ANKFN1: variants seen among roughly 807,000 people sequenced by gnomAD.
The protein encoded by ANKFN1 is ankyrin repeat and fibronectin type III domain containing 1.
A neutral mutation model predicts 108.7 loss-of-function variants in ANKFN1; 74 were observed. The ratio of observed to expected loss-of-function variants is 0.68; its 90% CI spans 0.56 to 0.83. The LOEUF (loss-of-function observed/expected upper bound fraction) is 0.83, where lower values mean the gene tolerates loss of function less well. ANKFN1 is among the 40% of genes least tolerant of loss of function. ANKFN1 has a pLI of 0.00. For missense variants in ANKFN1, 1,505 were observed against 1,382.3 expected, an observed-to-expected ratio of 1.09 and a Z score of -1.41; for synonymous variants, 547 against 516.2, an observed-to-expected ratio of 1.06 and a Z score of -0.81.
intron 3 of ANKFN1, among the ~76,000 whole-genome samples, chr17:56,306,047 G>C (rs1226017253): frequency 2.0e-5 from 3 of 152,094 alleles, no homozygotes; most frequent in South Asian, 2.1e-4. Flanking sequence ...AGACAGTCTT[G>C]ATTACTATAG....
At chr17:56,153,418 C>T (rs1908790901), upstream of ANKFN1, 4 of 1,532,396 alleles carry the variant, frequency 2.6e-6, no homozygotes, top group South Asian at 4.5e-5. Context: ...CCAGGGTTCC[C>T]TTGGCAACGG....
At chr17:56,299,321 A>G (rs1389468342) in intron 3 of ANKFN1, among the ~76,000 whole-genome samples, 2 of 151,978 alleles carry the variant, frequency 1.3e-5, no homozygotes, top group African/African-American at 4.8e-5. Flanking sequence ...TTCTCTCTTT[A>G]ATATCCTCTC....
intron 2 of ANKFN1, among the ~76,000 whole-genome samples, chr17:56,220,006 A>C (rs1255111040): frequency 6.6e-6 from 1 of 152,200 alleles, no homozygotes; most frequent in African/African-American, 2.4e-5. Flanking sequence ...AGGATCATTA[A>C]ATCTCACTGA....
chr17:56,457,443 A>G, intron 13 of ANKFN1, 54 bp downstream of exon 13: 2 of 1,506,188 alleles, frequency 1.3e-6, no homozygotes, highest in East Asian at 2.3e-5. Flanking sequence ...GTTACTGCAC[A>G]AAAATCTCTG....
chr17:56,391,472 G>A (rs1452946411), intron 8 of ANKFN1, among the ~76,000 whole-genome samples: 1 of 149,962 alleles, frequency 6.7e-6, no homozygotes. Context: ...TGTCACCCAG[G>A]CTGGAGTGCA....
Position 56,449,157 on chromosome 17 carries a change from G to A in ANKFN1, c.1178G>A (p.Arg393Gln), listed in dbSNP as rs1245119831. ...EVLEGLLQQV[R>Q]ALHQHYSCRE... ...TTGGAAGGTCTGCTGCAGCAGGTCC[G>A]AGCCCTTCATCAGCATTACAGTTGC... Residue 393 changes from arginine (R) to glutamine (Q), a missense_variant, in exon 11 of 21, where the codon CGA (arginine) becomes CAA (glutamine). Transcript: ENST00000682825. 1.7e-5 allele frequency: 28 copies of A among 1,613,296 alleles called. No homozygotes were observed. The highest frequency in any genetic ancestry group is 2.2e-5 in the Non-Finnish European group (26 of 1,179,598).
intron 1 of ANKFN1, among the ~76,000 whole-genome samples, chr17:56,169,382 C>T (rs1004524026): frequency 2.0e-5 from 3 of 152,102 alleles, no homozygotes; most frequent in African/African-American, 4.8e-5. Flanking sequence ...AGCAATCCTC[C>T]TACCTCAGCT....
intron 4 of ANKFN1, among the ~76,000 whole-genome samples, chr17:56,132,645 C>T (rs1019144329): frequency 6.6e-6 from 1 of 152,082 alleles, no homozygotes; most frequent in African/African-American, 2.4e-5. Context: ...TTATAAGTAA[C>T]ATAAATTTAT....
At chr17:56,081,593 T>C (rs1481440116) in intron 4 of ANKFN1, among the ~76,000 whole-genome samples, 1 of 152,166 alleles carries the variant, frequency 6.6e-6, no homozygotes, top group African/African-American at 2.4e-5. Flanking sequence ...CCTCAGGTTA[T>C]CCGCCTGCCT....
intron 1 of ANKFN1, among the ~76,000 whole-genome samples, chr17:56,208,886 A>G (rs1914742203): frequency 6.6e-6 from 1 of 151,486 alleles, no homozygotes; most frequent in Non-Finnish European, 1.5e-5. Context: ...TTTTATTATT[A>G]TTATTATTTT....
At chr17:56,377,147 G>T (rs79926473) in intron 8 of ANKFN1, among the ~76,000 whole-genome samples, 2 of 152,158 alleles carry the variant, frequency 1.3e-5, no homozygotes, top group Non-Finnish European at 2.9e-5. Flanking sequence ...GAATTTCTGG[G>T]TTCAGCAAAA....
chr17:56,445,740 A>T (rs1477992073), intron 10 of ANKFN1, among the ~76,000 whole-genome samples: 1 of 152,182 alleles, frequency 6.6e-6, no homozygotes, highest in East Asian at 1.9e-4. Flanking sequence ...ATATTTTTAC[A>T]AAAGGCCTTA....
chr17:56,207,538 T>C (rs1394823948), intron 1 of ANKFN1, among the ~76,000 whole-genome samples: 2 of 152,212 alleles, frequency 1.3e-5, no homozygotes, highest in Non-Finnish European at 2.9e-5. Context: ...TGAATTATGC[T>C]ACTTCATTGA....
At chr17:56,483,951 A>G (rs1282510152) in intron 18 of ANKFN1, among the ~76,000 whole-genome samples, 1 of 152,216 alleles carries the variant, frequency 6.6e-6, no homozygotes, top group African/African-American at 2.4e-5. Flanking sequence ...AATATGCCAG[A>G]AATTGGAAGT....
intron 4 of ANKFN1, among the ~76,000 whole-genome samples, chr17:56,080,767 C>T (rs538722352): frequency 2.0e-5 from 3 of 152,278 alleles, no homozygotes; most frequent in Admixed American, 6.5e-5. Context: ...TATGTATACA[C>T]GTTTTATGTT....
rs995944632 is a variant in ANKFN1 at position 56,174,453 on chromosome 17, G to C, written c.-71+20923G>C. The C allele has an allele frequency of 2.5e-5, 24 of 975,516 alleles. No individual in the cohort carries two copies. The African/African-American group carries it at 3.9e-4, about 16-fold the overall frequency. The allele number at this position is 975,516 out of a possible 1,614,324, so 60.4% of individuals were successfully genotyped here. A position where few individuals can be genotyped will look rare whatever the true frequency, so the allele number is the denominator to read the frequency against. On this transcript the variant is annotated intron_variant, in intron 1 of 20. Transcript: ENST00000682825. ...GATCTTTTTAGTGAATTGCTTGAGGGTTCTCTGGCTAGACCTGGTGCAATT... is the reference window on the plus strand; with the variant it reads ...GATCTTTTTAGTGAATTGCTTGAGGCTTCTCTGGCTAGACCTGGTGCAATT...
intron 14 of ANKFN1, among the ~76,000 whole-genome samples, chr17:56,459,522 C>G (rs2049832570): frequency 6.6e-6 from 1 of 152,148 alleles, no homozygotes; most frequent in Admixed American, 6.5e-5. Context: ...ATCACTGACC[C>G]ACTTGAGTTG....
rs200653678 is a variant in ANKFN1, at chr17:56,203,591, GCAAA to G, written c.-70-9004_-70-9001del. Among the ~76,000 whole-genome samples, 529 of 152,294 alleles carry G rather than the reference GCAAA, an allele frequency of 3.5e-3. 12 individuals are homozygous for G. In the East Asian group the frequency reaches 0.059, roughly 17 times the overall value. On this transcript the variant is annotated intron_variant, in intron 1 of 20. Transcript: ENST00000682825. ...GCCGGACTGGTTGCCATGCCAGAGGGCAAACAGTTTCCAGAGTCTTGCCTCAGCA... is the reference window on the plus strand; with the variant it reads ...GCCGGACTGGTTGCCATGCCAGAGGGCAGTTTCCAGAGTCTTGCCTCAGCA...
At chr17:56,399,017 T>A (rs1309670353) in intron 8 of ANKFN1, among the ~76,000 whole-genome samples, 1 of 152,056 alleles carries the variant, frequency 6.6e-6, no homozygotes, top group Non-Finnish European at 1.5e-5. Flanking sequence ...TAGCTCCAAA[T>A]ACAGAAATTT....
Sources: allele counts gnomAD v4.1 joint callset (sites outside exome capture counted in the v4.1 genomes callset), GRCh38; gene constraint gnomAD v4.1.1; transcripts MANE v1.5; gene names NCBI Gene and HGNC (gene_info 2026-07-23, HGNC 2026-07-21).